Variants in RFX3 observed in about 807,000 individuals in gnomAD.
The protein encoded by RFX3 is transcription factor RFX3.
A neutral mutation model predicts 98.6 loss-of-function variants in RFX3; 14 were observed. That is an observed-to-expected ratio of 0.14 (90% CI 0.09 to 0.22). The LOEUF is 0.22. RFX3 is among the 10% of genes least tolerant of loss of function. RFX3 has a pLI of 1.00. For synonymous variants in RFX3, 383 were observed against 328.4 expected (o/e 1.17, Z -1.80); for missense variants, 639 against 926.9 (o/e 0.69, Z 4.03).
rs567334936 is a variant in RFX3, at chr9:3,289,539, A to C, written c.732-1289T>G. On this transcript the variant is annotated intron_variant, in intron 6 of 16. Transcript: ENST00000617270. ...CAAGCTGGAGGACAGTAGGGAGTAG[A>C]GGTACGGTAGGAAGCAGGAGACATT... is the stretch of plus-strand genomic sequence containing the variant. Among the ~76,000 whole-genome samples, 7 of 152,270 alleles carry C rather than the reference A, an allele frequency of 4.6e-5. No individual in the cohort carries two copies. In the East Asian group the frequency reaches 1.4e-3, roughly 29 times the overall value.
chr9:3,234,698 C>T (rs1818905482), intron 15 of RFX3, among the ~76,000 whole-genome samples: 1 of 152,068 alleles, frequency 6.6e-6, no homozygotes, highest in Admixed American at 6.6e-5. Flanking sequence ...AATCAAACCA[C>T]TTCATTTACA....
intron 9 of RFX3, among the ~76,000 whole-genome samples, chr9:3,274,643 T>C (rs1824956924): frequency 6.6e-6 from 1 of 152,140 alleles, no homozygotes; most frequent in African/African-American, 2.4e-5. Context: ...CAGTGATCCC[T>C]GGAAAGAACA....
At chr9:3,357,014 T>C (rs1375449012) in intron 2 of RFX3, among the ~76,000 whole-genome samples, 1 of 150,252 alleles carries the variant, frequency 6.7e-6, no homozygotes, top group Non-Finnish European at 1.5e-5. Context: ...AAGCTAAGGA[T>C]AGAAATTTAC....
intron 7 of RFX3, among the ~76,000 whole-genome samples, chr9:3,283,131 T>C (rs1826127229): frequency 6.6e-6 from 1 of 151,726 alleles, no homozygotes; most frequent in Admixed American, 6.6e-5. Context: ...AAAGGAATGA[T>C]AAACTATTAA....
intron 3 of RFX3, among the ~76,000 whole-genome samples, chr9:3,339,551 G>C (rs1331873203): frequency 6.6e-6 from 1 of 152,160 alleles, no homozygotes; most frequent in Non-Finnish European, 1.5e-5. Context: ...CAAGTAGTCA[G>C]CTCCTGTCTC....
At chr9:3,247,553 G>T (rs1460648452) in intron 15 of RFX3, 1 of 1,090,382 alleles carries the variant, frequency 9.2e-7, no homozygotes, top group African/African-American at 1.6e-5. Context: ...ACTGTGCCTC[G>T]CACATAGTAA....
At chr9:3,411,928 T>C (rs1324225878) in intron 1 of RFX3, among the ~76,000 whole-genome samples, 1 of 152,184 alleles carries the variant, frequency 6.6e-6, no homozygotes, top group African/African-American at 2.4e-5. Flanking sequence ...CTTAATTGTA[T>C]CATTTTCTTC....
In RFX3 at chr9:3,266,197, A is replaced by G. The variant is rs1823612154; in HGVS notation, c.1455+11T>C. On this transcript the variant is annotated intron_variant, in intron 12 of 16. Coordinates refer to ENST00000617270, the MANE Select transcript of RFX3 (RefSeq NM_001282116.2). ...TCAACACAAAAGAAAAAGCAAGGACATAAAGTATACCTTGGTTTGTATCAT... is the reference window on the plus strand; with the variant it reads ...TCAACACAAAAGAAAAAGCAAGGACGTAAAGTATACCTTGGTTTGTATCAT... The G allele has an allele frequency of 4.6e-6, 7 of 1,523,794 alleles. No homozygotes were observed. Among genetic ancestry groups the G allele is most frequent in the Non-Finnish European group, 5.4e-6 (6 of 1,103,448 alleles). 94.4% of individuals were successfully genotyped at this position (1,523,794 alleles called of 1,614,324 possible).
chr9:3,519,848 A>T (rs1818527243), intron 1 of RFX3, among the ~76,000 whole-genome samples: 2 of 152,158 alleles, frequency 1.3e-5, no homozygotes, highest in Non-Finnish European at 2.9e-5. Flanking sequence ...AAAACTACAA[A>T]TATAAAGATT....
intron 1 of RFX3, among the ~76,000 whole-genome samples, chr9:3,519,775 AAC>A (rs1324418918): frequency 1.3e-5 from 2 of 152,124 alleles, no homozygotes; most frequent in African/African-American, 4.8e-5. Context: ...TGATACTCTA[AAC>A]ACGTTTCCAT....
intron 4 of RFX3, among the ~76,000 whole-genome samples, chr9:3,311,607 G>A (rs1038731275): frequency 6.6e-5 from 10 of 152,184 alleles, no homozygotes; most frequent in African/African-American, 1.9e-4. Context: ...AAACAAGACC[G>A]GGCGTGGTGG....
intron 14 of RFX3, among the ~76,000 whole-genome samples, chr9:3,248,628 A>G (rs1820992152): frequency 6.6e-6 from 1 of 152,280 alleles, no homozygotes; most frequent in South Asian, 2.1e-4. Flanking sequence ...AAAAAGATGC[A>G]TTTCTGCCAG....
At chr9:3,290,515 C>T (rs987090935) in intron 6 of RFX3, among the ~76,000 whole-genome samples, 7 of 152,048 alleles carry the variant, frequency 4.6e-5, no homozygotes, top group Non-Finnish European at 7.4e-5. Context: ...TGCATAACTA[C>T]AGAGCCACCA....
At chr9:3,259,742 A>C (rs543665953) in intron 13 of RFX3, among the ~76,000 whole-genome samples, 5 of 152,182 alleles carry the variant, frequency 3.3e-5, no homozygotes, top group South Asian at 2.1e-4. Flanking sequence ...CAATAGAAAA[A>C]TTATCTTAAA....
chr9:3,427,773 G>A (rs1172901018), intron 1 of RFX3, among the ~76,000 whole-genome samples: 2 of 151,972 alleles, frequency 1.3e-5, no homozygotes, highest in African/African-American at 2.4e-5. Flanking sequence ...GAACTCTCTG[G>A]TAAGCCCACA....
intron 4 of RFX3, among the ~76,000 whole-genome samples, chr9:3,315,646 A>C (rs1830496380): frequency 6.6e-6 from 1 of 152,180 alleles, no homozygotes; most frequent in Non-Finnish European, 1.5e-5. Flanking sequence ...ATAAAGAAGA[A>C]AAGAGACAAG....
intron 15 of RFX3, among the ~76,000 whole-genome samples, chr9:3,232,446 C>T (rs1470830481): frequency 2.6e-5 from 4 of 152,152 alleles, no homozygotes; most frequent in African/African-American, 9.7e-5. Flanking sequence ...CACAACCTGC[C>T]GAACTTATTT....
intron 4 of RFX3, among the ~76,000 whole-genome samples, chr9:3,323,775 G>A (rs1181205659): frequency 2.0e-5 from 3 of 152,180 alleles, no homozygotes; most frequent in African/African-American, 7.2e-5. Flanking sequence ...ATGCTCAGGA[G>A]AGAATGAAGG....
intron 4 of RFX3, among the ~76,000 whole-genome samples, chr9:3,308,190 T>C (rs915604602): frequency 1.3e-5 from 2 of 152,146 alleles, no homozygotes; most frequent in African/African-American, 2.4e-5. Flanking sequence ...TTATCTAACG[T>C]TAGGATACAT....
Sources: gnomAD v4.1 joint callset for allele counts (sites outside exome capture counted in the v4.1 genomes callset) on GRCh38, gnomAD v4.1.1 for gene constraint, MANE v1.5 for transcripts, NCBI Gene and HGNC (gene_info 2026-07-23, HGNC 2026-07-21) for gene names.